The following CWC27 variants were observed in gnomAD, a reference collection of about 807,000 sequenced individuals.
The protein encoded by CWC27 is CWC27 spliceosome associated cyclophilin.
Under a neutral mutation model 63.6 loss-of-function variants are expected in CWC27, and 47 were observed. That is an observed-to-expected ratio of 0.74 (90% confidence interval 0.58 to 0.94). CWC27 has a LOEUF of 0.94. Among genes scored for constraint, CWC27 ranks in the 40% least tolerant of loss-of-function variants. The pLI is 0.00. For missense variants in CWC27, 495 were observed against 554.3 expected (o/e 0.89, Z 1.07); for synonymous variants, 175 against 179.8 (o/e 0.97, Z 0.22).
chr5:64,844,664 G>A (rs1745929096), intron 10 of CWC27, among the ~76,000 whole-genome samples: 1 of 152,200 alleles, frequency 6.6e-6, no homozygotes, highest in African/African-American at 2.4e-5. Context: ...GAATTAAATG[G>A]TCTAGACTGA....
At chr5:64,990,661 A>G (rs1256190503) in intron 13 of CWC27, among the ~76,000 whole-genome samples, 1 of 152,214 alleles carries the variant, frequency 6.6e-6, no homozygotes, top group Non-Finnish European at 1.5e-5. Context: ...CAGTCCAGAT[A>G]CTGAGCCTTT....
intron 7 of CWC27, 53 bp downstream of exon 7, chr5:64,789,073 A>G: frequency 8.0e-7 from 1 of 1,250,658 alleles, no homozygotes; most frequent in South Asian, 1.4e-5. Flanking sequence ...TGGGGTCTAT[A>G]TCTTACTCAC....
intron 10 of CWC27, among the ~76,000 whole-genome samples, chr5:64,835,104 G>A (rs2112269951): frequency 6.6e-6 from 1 of 151,694 alleles, no homozygotes; most frequent in South Asian, 2.1e-4. Context: ...ATTTATAAGG[G>A]TAATTTTATT....
At chr5:64,910,136 G>A (rs189735661) in intron 11 of CWC27, among the ~76,000 whole-genome samples, 64 of 152,266 alleles carry the variant, frequency 4.2e-4, no homozygotes, top group Non-Finnish European at 6.5e-4. Flanking sequence ...TTTTATTGAC[G>A]TTGATGCTAT....
chr5:64,923,933 G>A (rs900232869), intron 11 of CWC27, among the ~76,000 whole-genome samples: 7 of 151,786 alleles, frequency 4.6e-5, no homozygotes, highest in Non-Finnish European at 7.4e-5. Context: ...TTTTTTTAGT[G>A]TCATCTTTGG....
chr5:64,979,601 AATATT>A (rs1181560282), intron 13 of CWC27, among the ~76,000 whole-genome samples: 1 of 152,200 alleles, frequency 6.6e-6, no homozygotes, highest in Non-Finnish European at 1.5e-5. Context: ...ATTTATAACA[AATATT>A]ATGAGTGCAT....
At chr5:64,968,196 C>T (rs1033793921) in intron 11 of CWC27, among the ~76,000 whole-genome samples, 1 of 151,984 alleles carries the variant, frequency 6.6e-6, no homozygotes, top group Non-Finnish European at 1.5e-5. Context: ...TACTATTTCA[C>T]GCTCTCTAAA....
intron 2 of CWC27, among the ~76,000 whole-genome samples, chr5:64,778,222 T>A (rs1205440668): frequency 4.6e-5 from 1 of 21,586 alleles, no homozygotes; most frequent in Non-Finnish European, 9.5e-5. Flanking sequence ...AAGCCATAGT[T>A]ATGTAATGAC....
chr5:64,925,080 A>T (rs1012465753), intron 11 of CWC27, among the ~76,000 whole-genome samples: 2 of 152,316 alleles, frequency 1.3e-5, no homozygotes, highest in Non-Finnish European at 2.9e-5. Flanking sequence ...TATTTAAAAC[A>T]TATGTGATCT....
At chr5:64,890,196 G>A (rs1367519377) in intron 11 of CWC27, among the ~76,000 whole-genome samples, 1 of 152,128 alleles carries the variant, frequency 6.6e-6, no homozygotes, top group Non-Finnish European at 1.5e-5. Flanking sequence ...GGCTGAGCTT[G>A]TAAATCAAGA....
intron 10 of CWC27, among the ~76,000 whole-genome samples, chr5:64,858,686 A>G (rs768356652): frequency 2.0e-5 from 3 of 152,076 alleles, no homozygotes; most frequent in Non-Finnish European, 2.9e-5. Context: ...AGGGCAATAC[A>G]AATTAAACCA....
chr5:64,802,633 G>T (rs1328913302), intron 9 of CWC27, among the ~76,000 whole-genome samples: 3 of 152,092 alleles, frequency 2.0e-5, no homozygotes, highest in African/African-American at 7.2e-5. Flanking sequence ...TCTAGGAGGT[G>T]ACTGATTCTA....
chr5:64,973,590 C>G (rs1454992984), intron 12 of CWC27, among the ~76,000 whole-genome samples: 4 of 152,232 alleles, frequency 2.6e-5, no homozygotes, highest in African/African-American at 9.6e-5. Flanking sequence ...CTTCTTCACA[C>G]TATAACAAAT....
chr5:64,936,004 G>A (rs1457400681), intron 11 of CWC27, among the ~76,000 whole-genome samples: 1 of 152,188 alleles, frequency 6.6e-6, no homozygotes, highest in African/African-American at 2.4e-5. Flanking sequence ...TTTGGGCTGA[G>A]ATGATGTGGT....
At chr5:64,877,048 A>G (rs1212396491) in intron 10 of CWC27, among the ~76,000 whole-genome samples, 1 of 152,044 alleles carries the variant, frequency 6.6e-6, no homozygotes, top group Non-Finnish European at 1.5e-5. Context: ...TATTCAGCTT[A>G]AATCCCTCTA....
At chr5:64,866,047 CAG>C (rs1270939347) in intron 10 of CWC27, among the ~76,000 whole-genome samples, 1 of 152,006 alleles carries the variant, frequency 6.6e-6, no homozygotes, top group Non-Finnish European at 1.5e-5. Context: ...ATGTACATAA[CAG>C]AGATTTTACA....
At chr5:64,989,703 G>A (rs1749499045) in intron 13 of CWC27, among the ~76,000 whole-genome samples, 1 of 152,178 alleles carries the variant, frequency 6.6e-6, no homozygotes, top group Non-Finnish European at 1.5e-5. Flanking sequence ...GCTCTTGTGG[G>A]TGCTGTTTGG....
chr5:64,895,112 G>A (rs1747338225), intron 11 of CWC27, among the ~76,000 whole-genome samples: 1 of 152,170 alleles, frequency 6.6e-6, no homozygotes, highest in Admixed American at 6.5e-5. Flanking sequence ...CACTGCCTGA[G>A]TGGTCTCCAA....
At chr5:64,850,359 T>C (rs958767833) in intron 10 of CWC27, among the ~76,000 whole-genome samples, 14 of 152,280 alleles carry the variant, frequency 9.2e-5, no homozygotes, top group Admixed American at 7.8e-4. Flanking sequence ...CATCAATAAG[T>C]GGTTTTGGGA....
Sources: gnomAD v4.1 joint callset for allele counts (sites outside exome capture counted in the v4.1 genomes callset) on GRCh38, gnomAD v4.1.1 for gene constraint, MANE v1.5 for transcripts, NCBI Gene and HGNC (gene_info 2026-07-23, HGNC 2026-07-21) for gene names.